The following ANK1 variants were observed in gnomAD, a reference collection of about 807,000 sequenced individuals.
ANK1 encodes the protein ankyrin 1.
A neutral mutation model predicts 210.4 loss-of-function variants in ANK1; 51 were observed. The observed-to-expected ratio is 0.24, with a 90% confidence interval of 0.19 to 0.31. The LOEUF is 0.31. Ranked by LOEUF, ANK1 falls within the 10% of genes least tolerant of loss-of-function variation. The pLI is 1.00. For missense variants in ANK1, 2,051 were observed against 2,504.4 expected (o/e 0.82, Z 3.86); for synonymous variants, 967 against 1,025.9 (o/e 0.94, Z 1.10).
chr8:41,855,181 G>GTAGA (rs1023226280), intron 1 of ANK1, among the ~76,000 whole-genome samples: 1 of 152,174 alleles, frequency 6.6e-6, no homozygotes, highest in Non-Finnish European at 1.5e-5. Flanking sequence ...TGATTGACAG[G>GTAGA]TAGATAGATA....
chr8:41,813,656 T>G (rs1375557348), intron 1 of ANK1, among the ~76,000 whole-genome samples: 3 of 152,220 alleles, frequency 2.0e-5, no homozygotes, highest in African/African-American at 7.2e-5. Context: ...CTAGAACTTT[T>G]AATAGGGAAT....
At chr8:41,726,014 C>T in intron 5 of ANK1, 68 bp from the exon 6 acceptor site, 1 of 1,551,398 alleles carries the variant, frequency 6.4e-7, no homozygotes, top group Non-Finnish European at 8.7e-7. Context: ...ACGGGACACA[C>T]CCTTGCCCCT....
intron 37 of ANK1, among the ~76,000 whole-genome samples, chr8:41,674,059 A>T (rs186002074): frequency 1.6e-3 from 244 of 151,994 alleles, no homozygotes; most frequent in Admixed American, 2.8e-3. Context: ...TCCTACTCAC[A>T]TGCAACTGCC....
intron 1 of ANK1, among the ~76,000 whole-genome samples, chr8:41,841,597 G>C (rs1239956561): frequency 6.6e-6 from 1 of 152,170 alleles, no homozygotes; most frequent in Non-Finnish European, 1.5e-5. Flanking sequence ...GACACCTTTG[G>C]AAGTGATGGA....
At chr8:41,673,417 A>AC (rs1813132505) in intron 37 of ANK1, among the ~76,000 whole-genome samples, 1 of 152,170 alleles carries the variant, frequency 6.6e-6, no homozygotes, top group African/African-American at 2.4e-5. Flanking sequence ...AGGGGTAGTA[A>AC]CCAGGCTGCC....
chr8:41,781,791 G>C lies in ANK1; in HGVS notation c.27+15721C>G, dbSNP rs948525446. On this transcript the variant is annotated intron_variant, in intron 1 of 42. Coordinates refer to ENST00000289734, the MANE Select transcript of ANK1 (RefSeq NM_000037.4). ...AGGGCGGTGACCCAGGGCCAGGAGGGAGGCAGAGGGTCTCCAAGGCCAAGA... is the reference window on the plus strand; with the variant it reads ...AGGGCGGTGACCCAGGGCCAGGAGGCAGGCAGAGGGTCTCCAAGGCCAAGA... Among the ~76,000 whole-genome samples, 3 of 152,190 alleles carry C rather than the reference G, an allele frequency of 2.0e-5. No individual in the cohort carries two copies. In the East Asian group the frequency reaches 5.8e-4, roughly 29 times the overall value.
chr8:41,810,794 A>G (rs1322157715), intron 1 of ANK1, among the ~76,000 whole-genome samples: 3 of 152,244 alleles, frequency 2.0e-5, no homozygotes, highest in Non-Finnish European at 2.9e-5. Flanking sequence ...CCAGGAGAAC[A>G]GGAGAAACTT....
At chr8:41,817,638 T>A (rs965947021) in intron 1 of ANK1, among the ~76,000 whole-genome samples, 6 of 152,262 alleles carry the variant, frequency 3.9e-5, no homozygotes, top group African/African-American at 1.4e-4. Context: ...GCTATTTGTC[T>A]AGAAAAGTTT....
At chr8:41,810,454 CCACAGAAGGA>C (rs1802316112) in intron 1 of ANK1, among the ~76,000 whole-genome samples, 1 of 152,244 alleles carries the variant, frequency 6.6e-6, no homozygotes, top group African/African-American at 2.4e-5. Context: ...GATCTGACCT[CCACAGAAGGA>C]ACGTGTTTCC....
intron 4 of ANK1, among the ~76,000 whole-genome samples, chr8:41,727,652 G>A (rs1002373820): frequency 6.6e-6 from 1 of 152,168 alleles, no homozygotes; most frequent in Non-Finnish European, 1.5e-5. Flanking sequence ...TCTCCACCTA[G>A]GCTACAACTG....
At chr8:41,730,338 C>T (rs948937131) in intron 3 of ANK1, among the ~76,000 whole-genome samples, 1 of 152,188 alleles carries the variant, frequency 6.6e-6, no homozygotes, top group Non-Finnish European at 1.5e-5. Context: ...GGTGCAGCAG[C>T]TCACATTGGT....
At chr8:41,828,781 A>G (rs952667230) in intron 1 of ANK1, 10 of 152,260 alleles carry the variant, frequency 6.6e-5, no homozygotes, top group African/African-American at 1.9e-4. Flanking sequence ...GGGGAGCTAC[A>G]TTTCATTTTC....
At chr8:41,711,444 A>G (rs1238022534) in intron 16 of ANK1, among the ~76,000 whole-genome samples, 1 of 152,228 alleles carries the variant, frequency 6.6e-6, no homozygotes, top group Non-Finnish European at 1.5e-5. Flanking sequence ...AAAAGAGATC[A>G]TAAGACTAAC....
At chr8:41,711,383 C>T (rs1250883400) in intron 16 of ANK1, among the ~76,000 whole-genome samples, 1 of 152,254 alleles carries the variant, frequency 6.6e-6, no homozygotes, top group Non-Finnish European at 1.5e-5. Flanking sequence ...ACACGCCTTG[C>T]TATACCCACT....
intron 11 of ANK1, among the ~76,000 whole-genome samples, 190 bp from the exon 12 acceptor site, chr8:41,717,892 A>G (rs1184924552): frequency 1.3e-5 from 2 of 152,114 alleles, no homozygotes; most frequent in Non-Finnish European, 2.9e-5. Context: ...CACTCTTACA[A>G]CTTGCAAAAA....
chr8:41,758,506 A>T (rs1278574991), intron 1 of ANK1, among the ~76,000 whole-genome samples: 2 of 151,404 alleles, frequency 1.3e-5, no homozygotes, highest in African/African-American at 4.9e-5. Context: ...CTATTTTTTT[A>T]AACTTTTTTT....
In ANK1 at chr8:41,694,840, T is replaced by A; in HGVS notation, c.3116-37A>T. Reference sequence around the variant, plus strand: ...CACACAGGCCACCACCCCGGTCACATCAGGCACAGGTTCAGGACTTCCAGG... The same window carrying A: ...CACACAGGCCACCACCCCGGTCACAACAGGCACAGGTTCAGGACTTCCAGG... On this transcript the variant is annotated intron_variant, in intron 27 of 42. Transcript: ENST00000289734. This position sits in a 1 kb window ranked among gnomAD's most constrained non-coding sequence, Gnocchi z 5.7. The A allele has an allele frequency of 6.2e-7, 1 of 1,606,378 alleles. No homozygotes were observed. The highest frequency in any genetic ancestry group is 8.5e-7 in the Non-Finnish European group (1 of 1,174,742).
chr8:41,654,825 G>A lies in ANK1; in HGVS notation c.*965C>T, dbSNP rs1162070117. ...AAAACCTCTTCTCTATGGACATGCT[G>A]GTGCAATCCTGGGTCAGCCACCGGC... On this transcript the variant is annotated 3_prime_UTR_variant, in exon 43 of 43. Coordinates refer to ENST00000289734, the MANE Select transcript of ANK1 (RefSeq NM_000037.4). 6.5e-6 allele frequency: 1 copy of A among 152,714 alleles called. No individual in the cohort carries two copies. Among genetic ancestry groups the A allele is most frequent in the African/African-American group, 2.4e-5 (1 of 41,438 alleles). 9.5% of individuals were successfully genotyped at this position (152,714 alleles called of 1,614,324 possible).
chr8:41,663,738 T>G lies in ANK1; in HGVS notation c.5399A>C (p.Asn1800Thr). The G allele has an allele frequency of 6.2e-7, 1 of 1,610,926 alleles. No homozygotes were observed. Among genetic ancestry groups the G allele is most frequent in the Non-Finnish European group, 8.5e-7 (1 of 1,177,206 alleles). The change falls in exon 40 of 43, where the codon AAT becomes ACT. Residue 1800 changes from asparagine to threonine, a missense_variant. Around this residue, in one of 6 missense-constraint regions of ANK1, gnomAD observed 496 missense variants for 533.4 expected, o/e 0.93. Coordinates refer to ENST00000289734, the MANE Select transcript of ANK1 (RefSeq NM_000037.4). ...CTCCCCTGGAATATTCTGAAACTCA[T>G]TCCCCTGGAATTAGAGAAAGGGAGA... ...KNTFTQVVQG[N>T]EFQNIPGEQV...
Sources: gnomAD v4.1 joint callset for allele counts (sites outside exome capture counted in the v4.1 genomes callset) on GRCh38, gnomAD v4.1.1 for gene constraint, gnomAD v4.1.1 regional missense constraint, Gnocchi (gnomAD v3.1) non-coding constraint, MANE v1.5 for transcripts, NCBI Gene and HGNC (gene_info 2026-07-23, HGNC 2026-07-21) for gene names.